The following PSEN2 variants were observed in gnomAD, a reference collection of about 807,000 sequenced individuals.
PSEN2 encodes the protein presenilin 2.
In PSEN2, 32 loss-of-function variants were observed where a neutral mutation model predicts 49.1. The ratio of observed to expected loss-of-function variants is 0.65; its 90% confidence interval spans 0.49 to 0.88. PSEN2 has a LOEUF of 0.88. Ranked by LOEUF, PSEN2 falls within the 40% of genes least tolerant of loss-of-function variation. The pLI is 0.00. For synonymous variants in PSEN2, 255 were observed against 244.0 expected (o/e 1.05, Z -0.42); for missense variants, 522 against 586.9 (o/e 0.89, Z 1.14).
In PSEN2 at chr1:226,889,193, G is replaced by A. The variant is rs373015096; in HGVS notation, c.787+144G>A. 6.8e-5 allele frequency: 50 copies of A among 740,286 alleles called. No homozygotes were observed. The East Asian group carries it at 9.4e-4, about 14-fold the overall frequency. 45.9% of individuals were successfully genotyped at this position (740,286 alleles called of 1,614,324 possible). A position where few individuals can be genotyped will look rare whatever the true frequency, so the allele number is the denominator to read the frequency against. On this transcript the variant is annotated intron_variant, in intron 8 of 12. Transcript: ENST00000366783. ...GGGTGGGATCCCTCCTGAGAGAGTCGCCTTTGTAAAACAGAGGGGGGTCCA... is the reference window on the plus strand; with the variant it reads ...GGGTGGGATCCCTCCTGAGAGAGTCACCTTTGTAAAACAGAGGGGGGTCCA...
intron 7 of PSEN2, 71 bp downstream of exon 7, chr1:226,888,229 G>A: frequency 2.2e-6 from 3 of 1,357,566 alleles, no homozygotes; most frequent in Non-Finnish European, 3.2e-6. Flanking sequence ...ATGGGCATGA[G>A]GACCTGGGCG....
chr1:226,892,561 G>A (rs535718848), intron 11 of PSEN2, among the ~76,000 whole-genome samples: 164 of 152,286 alleles, frequency 1.1e-3, no homozygotes, highest in African/African-American at 3.9e-3. Flanking sequence ...GGTGCCTTAC[G>A]GGAGCAGCCT....
intron 9 of PSEN2, 77 bp downstream of exon 9, chr1:226,890,210 G>T: frequency 7.8e-7 from 1 of 1,275,634 alleles, no homozygotes; most frequent in Non-Finnish European, 1.1e-6. Context: ...CTGCTTCCTG[G>T]CCGTGGCTTT....
intron 3 of PSEN2, among the ~76,000 whole-genome samples, chr1:226,879,106 A>G (rs897009785): frequency 2.7e-4 from 41 of 152,166 alleles, no homozygotes; most frequent in African/African-American, 9.4e-4. Context: ...TCCTGGGCTC[A>G]AGCGATCTGT....
At chr1:226,892,751 G>A (rs3820649) in intron 11 of PSEN2, among the ~76,000 whole-genome samples, 31,029 of 152,050 alleles carry the variant, frequency 0.2, 3,383 homozygotes, top group South Asian at 0.27. Flanking sequence ...CAGATCCCAC[G>A]GGGCCCGCAG....
At chr1:226,901,243 C>A (rs549120557), downstream of PSEN2, among the ~76,000 whole-genome samples, 1 of 152,038 alleles carries the variant, frequency 6.6e-6, no homozygotes, top group African/African-American at 2.4e-5. Context: ...CGAGACCAGC[C>A]TGGCCGACAT....
chr1:226,882,634 T>A (rs1661073841), intron 4 of PSEN2, among the ~76,000 whole-genome samples: 1 of 152,210 alleles, frequency 6.6e-6, no homozygotes, highest in Admixed American at 6.5e-5. Context: ...TTCTCTGTTT[T>A]GCCCATTATA....
At chr1:226,876,821 G>C (rs1376525396) in intron 3 of PSEN2, among the ~76,000 whole-genome samples, 3 of 152,160 alleles carry the variant, frequency 2.0e-5, no homozygotes, top group African/African-American at 7.2e-5. Context: ...TTAAAGTGTT[G>C]ATTCTTACTC....
intron 11 of PSEN2, 70 bp from the exon 12 acceptor site, chr1:226,893,936 GC>G: frequency 7.2e-7 from 1 of 1,389,584 alleles, no homozygotes; most frequent in Non-Finnish European, 1.0e-6. Context: ...GGCCTTCTGG[GC>G]CAGAGTTTCT....
rs1209242874 is a variant in PSEN2, at chr1:226,895,441, C to T, written c.1209C>T (p.Leu403=). ...TCCTGCAGGGCTTGTGTCTGACCCT[C>T]CTGCTGCTTGCTGTGTTCAAGAAGG... ...VAILIGLCLT[L]LLLAVFKKAL... is the part of the protein sequence containing the mutation. The change falls in exon 13 of 13, where the codon CTC becomes CTT. Residue 403 remains leucine, a synonymous_variant. Coordinates refer to ENST00000366783, the MANE Select transcript of PSEN2 (RefSeq NM_000447.3). 4 of 1,614,122 alleles carry T rather than the reference C, an allele frequency of 2.5e-6. No homozygotes were observed. The highest frequency in any genetic ancestry group is 3.3e-4 in the Middle Eastern group (2 of 6,062).
downstream of PSEN2, among the ~76,000 whole-genome samples, chr1:226,897,094 C>T (rs1018236526): frequency 1.3e-5 from 2 of 152,070 alleles, no homozygotes; most frequent in African/African-American, 4.8e-5. Context: ...TAGTGCAGGT[C>T]AGAGACCTGG....
chr1:226,880,653 C>T (rs1231137402), intron 3 of PSEN2: 1 of 1,612,908 alleles, frequency 6.2e-7, no homozygotes, highest in Admixed American at 1.7e-5. Flanking sequence ...GAGATGTTGG[C>T]AGGGACTGTC....
intron 5 of PSEN2, among the ~76,000 whole-genome samples, chr1:226,885,022 C>T (rs1283170539): frequency 1.3e-5 from 2 of 152,092 alleles, no homozygotes; most frequent in Non-Finnish European, 2.9e-5. Context: ...ATGCAGCCAG[C>T]GGTTTGTTTG....
Position 226,895,624 on chromosome 1 carries a change from T to G in PSEN2, c.*45T>G, listed in dbSNP as rs1200893718. On this transcript the variant is annotated 3_prime_UTR_variant, in exon 13 of 13. Transcript: ENST00000366783. ...GCTGCAAGCTGCAGGGAATTTTCAT[T>G]GGATGCAGTTGTATAGTTTTACACT... 4 of 1,573,338 alleles carry G rather than the reference T, an allele frequency of 2.5e-6. No homozygotes were observed. In the African/African-American group the frequency reaches 4.1e-5, roughly 16 times the overall value.
At chr1:226,877,937 G>T (rs531490023) in intron 3 of PSEN2, among the ~76,000 whole-genome samples, 1 of 152,294 alleles carries the variant, frequency 6.6e-6, no homozygotes, top group South Asian at 2.1e-4. Flanking sequence ...TCACTGTCTA[G>T]ACCAGGTCAC....
In PSEN2 at chr1:226,895,651, T is replaced by C. The variant is rs886046062; in HGVS notation, c.*72T>C. ...GATGCAGTTGTATAGTTTTACACTC[T>C]AGTGCCATATATTTTTAAGACTTTT... On this transcript the variant is annotated 3_prime_UTR_variant, in exon 13 of 13. Coordinates refer to ENST00000366783, the MANE Select transcript of PSEN2 (RefSeq NM_000447.3). 34 of 1,479,124 alleles carry C rather than the reference T, an allele frequency of 2.3e-5. No homozygotes were observed. Among genetic ancestry groups the C allele is most frequent in the Admixed American group, 1.4e-4 (7 of 50,858 alleles). The allele number at this position is 1,479,124 out of a possible 1,614,324, so 91.6% of individuals were successfully genotyped here.
At chr1:226,889,402 G>T (rs1162858231) in intron 8 of PSEN2, among the ~76,000 whole-genome samples, 1 of 152,072 alleles carries the variant, frequency 6.6e-6, no homozygotes, top group Non-Finnish European at 1.5e-5. Flanking sequence ...TCAGCCTCCT[G>T]AGTAGATAGG....
intron 6 of PSEN2, among the ~76,000 whole-genome samples, chr1:226,886,390 G>A (rs958762917): frequency 2.0e-5 from 3 of 152,138 alleles, no homozygotes; most frequent in African/African-American, 7.2e-5. Context: ...TGCAGCCCTG[G>A]GAGACTTTTG....
At chr1:226,873,797 AC>A (rs1660456866) in intron 2 of PSEN2, among the ~76,000 whole-genome samples, 1 of 152,206 alleles carries the variant, frequency 6.6e-6, no homozygotes, top group Non-Finnish European at 1.5e-5. Context: ...GAGGGAGGGA[AC>A]CGTAGGTGAA....
Sources: gnomAD v4.1 joint callset for allele counts (sites outside exome capture counted in the v4.1 genomes callset) on GRCh38, gnomAD v4.1.1 for gene constraint, MANE v1.5 for transcripts, NCBI Gene and HGNC (gene_info 2026-07-23, HGNC 2026-07-21) for gene names.